VAV3: variants seen among roughly 807,000 people sequenced by gnomAD.
VAV3 encodes the protein vav guanine nucleotide exchange factor 3, also known as guanine nucleotide exchange factor VAV3.
In VAV3, 94 loss-of-function variants were observed where a neutral mutation model predicts 131.2. The ratio of observed to expected loss-of-function variants is 0.72; its 90% CI spans 0.61 to 0.85. The LOEUF (loss-of-function observed/expected upper bound fraction) is 0.85. VAV3 is among the 40% of genes least tolerant of loss of function. The pLI, the probability that VAV3 is intolerant of heterozygous loss-of-function variation, is 0.00. For missense variants in VAV3, 939 were observed against 1,002.7 expected (o/e 0.94, Z 0.86); for synonymous variants, 349 against 342.0 (o/e 1.02, Z -0.22).
intron 2 of VAV3, among the ~76,000 whole-genome samples, chr1:107,849,124 T>C (rs1461962622): frequency 6.6e-6 from 1 of 151,956 alleles, no homozygotes; most frequent in Non-Finnish European, 1.5e-5. Context: ...AAAGAATCAA[T>C]ATCGTGAAAA....
chr1:107,594,458 T>C (rs1279217244), intron 25 of VAV3, among the ~76,000 whole-genome samples: 3 of 152,118 alleles, frequency 2.0e-5, no homozygotes, highest in Admixed American at 6.6e-5. Context: ...AAAAAAAGTT[T>C]TAGTGGCTTG....
intron 21 of VAV3, among the ~76,000 whole-genome samples, chr1:107,615,879 A>G (rs377111953): frequency 6.6e-6 from 1 of 152,210 alleles, no homozygotes; most frequent in Non-Finnish European, 1.5e-5. Context: ...TTAAAGAAAT[A>G]CAAATTGAAA....
At chr1:107,574,229 G>C in intron 25 of VAV3, 31 bp from the exon 26 acceptor site, 1 of 1,605,714 alleles carries the variant, frequency 6.2e-7, no homozygotes, top group Non-Finnish European at 8.5e-7. Context: ...ATGACAGTAG[G>C]TTTGCAGTTC....
At chr1:107,598,420 T>A (rs572086067) in intron 24 of VAV3, among the ~76,000 whole-genome samples, 1 of 152,060 alleles carries the variant, frequency 6.6e-6, no homozygotes, top group African/African-American at 2.4e-5. Context: ...AAAAGTGAAA[T>A]AGTTTTTGCT....
chr1:107,692,840 G>C (rs1287415976), intron 17 of VAV3, among the ~76,000 whole-genome samples: 1 of 152,148 alleles, frequency 6.6e-6, no homozygotes, highest in Non-Finnish European at 1.5e-5. Flanking sequence ...TCTCACTAAA[G>C]GAAAAGATGC....
intron 15 of VAV3, among the ~76,000 whole-genome samples, chr1:107,723,909 G>C (rs112899926): frequency 0.012 from 1,768 of 152,176 alleles, 14 homozygotes; most frequent in Middle Eastern, 0.034. Context: ...TGGATAAATA[G>C]AGAACACATC....
rs376983907 is a variant in VAV3 at position 107,690,871 on chromosome 1, T to C, written c.1706-2465A>G. Reference sequence around the variant, plus strand: ...GCCAAGGAGAGGCCTGCTGCATTCATGGATACGGCATAGAGCTGTTTGCAC... The same window carrying C: ...GCCAAGGAGAGGCCTGCTGCATTCACGGATACGGCATAGAGCTGTTTGCAC... On this transcript the variant is annotated intron_variant, in intron 17 of 26. Coordinates refer to ENST00000370056, the MANE Select transcript of VAV3 (RefSeq NM_006113.5). Among the ~76,000 whole-genome samples the C allele has an allele frequency of 5.3e-5, 8 of 152,282 alleles. No individual in the cohort carries two copies. The East Asian group carries it at 1.2e-3, about 22-fold the overall frequency.
At chr1:107,802,773 T>A (rs1204021779) in intron 2 of VAV3, among the ~76,000 whole-genome samples, 3 of 152,106 alleles carry the variant, frequency 2.0e-5, no homozygotes, top group Non-Finnish European at 4.4e-5. Context: ...TATCTGTGTT[T>A]ATCAGTGATA....
intron 19 of VAV3, among the ~76,000 whole-genome samples, chr1:107,672,452 TAAAC>T (rs896719421): frequency 2.6e-5 from 4 of 151,942 alleles, no homozygotes; most frequent in Admixed American, 6.6e-5. Flanking sequence ...CTACAAAAAT[TAAAC>T]AATAAAATTA....
intron 15 of VAV3, among the ~76,000 whole-genome samples, chr1:107,740,241 C>T (rs1038632726): frequency 4.6e-5 from 7 of 151,144 alleles, no homozygotes; most frequent in African/African-American, 1.2e-4. Flanking sequence ...GAGCTGAGAT[C>T]GCGCCACTGT....
intron 2 of VAV3, among the ~76,000 whole-genome samples, chr1:107,835,890 G>C (rs1201721386): frequency 6.6e-6 from 1 of 152,206 alleles, no homozygotes; most frequent in Non-Finnish European, 1.5e-5. Flanking sequence ...GAATTCTGCA[G>C]GTTTCTGGCA....
At position 107,704,509 on chromosome 1, in the gene VAV3, T is replaced by C. The variant is rs369445477; in HGVS notation, c.1705+41A>G. ...TTAATTATGTTTAGCAAATTTTATG[T>C]CCTCATTAAAAACAGAATTGCAACA... On this transcript the variant is annotated intron_variant, in intron 17 of 26. Transcript: ENST00000370056. 5.5e-5 allele frequency: 84 copies of C among 1,515,104 alleles called. No individual in the cohort carries two copies. The Middle Eastern group carries it at 2.6e-3, about 46-fold the overall frequency. The allele number at this position is 1,515,104 out of a possible 1,614,324, so 93.9% of individuals were successfully genotyped here. A position where few individuals can be genotyped will look rare whatever the true frequency, so the allele number is the denominator to read the frequency against.
At chr1:107,721,745 T>C (rs1661514788) in intron 15 of VAV3, among the ~76,000 whole-genome samples, 1 of 151,388 alleles carries the variant, frequency 6.6e-6, no homozygotes, top group Non-Finnish European at 1.5e-5. Flanking sequence ...AAAAAAAACG[T>C]GATGATGCTT....
At chr1:107,768,373 G>A (rs1483199447) in intron 7 of VAV3, 68 bp downstream of exon 7, 3 of 1,176,292 alleles carry the variant, frequency 2.6e-6, no homozygotes, top group Non-Finnish European at 3.7e-6. Flanking sequence ...TAGGGATCTG[G>A]AACCCCCTAA....
chr1:107,917,083 T>C (rs1458199918), intron 1 of VAV3, among the ~76,000 whole-genome samples: 2 of 152,116 alleles, frequency 1.3e-5, no homozygotes, highest in African/African-American at 2.4e-5. Flanking sequence ...CTGATCAAGC[T>C]GGGTGCAGAA....
chr1:107,923,167 G>C (rs1046705555), intron 1 of VAV3, among the ~76,000 whole-genome samples: 1 of 151,842 alleles, frequency 6.6e-6, no homozygotes, highest in African/African-American at 2.4e-5. Flanking sequence ...AAGTTAAATT[G>C]CCTTTTCTAA....
At chr1:107,741,709 T>C (rs1409922066) in intron 15 of VAV3, among the ~76,000 whole-genome samples, 1 of 151,812 alleles carries the variant, frequency 6.6e-6, no homozygotes, top group African/African-American at 2.4e-5. Context: ...GAGAGAGAAA[T>C]ATGAGAATGT....
At chr1:107,678,781 C>G (rs549164784) in intron 19 of VAV3, among the ~76,000 whole-genome samples, 1 of 152,048 alleles carries the variant, frequency 6.6e-6, no homozygotes, top group South Asian at 2.1e-4. Flanking sequence ...CAATTTGAGA[C>G]ATTTGTGTTT....
chr1:107,908,020 T>C (rs979434712), intron 1 of VAV3, among the ~76,000 whole-genome samples: 3 of 152,186 alleles, frequency 2.0e-5, no homozygotes, highest in African/African-American at 7.2e-5. Flanking sequence ...TGTTGAGGAA[T>C]GAATTCGGAA....
Sources: allele counts gnomAD v4.1 joint callset (sites outside exome capture counted in the v4.1 genomes callset), GRCh38; gene constraint gnomAD v4.1.1; transcripts MANE v1.5; gene names NCBI Gene and HGNC (gene_info 2026-07-23, HGNC 2026-07-21).